Variants in C9 observed in about 807,000 individuals in gnomAD.
C9 encodes the protein complement C9, also known as complement component C9.
A neutral mutation model predicts 65.4 loss-of-function variants in C9; 63 were observed. That is an observed-to-expected ratio of 0.96 (90% CI 0.79 to 1.19). The LOEUF (loss-of-function observed/expected upper bound fraction) is 1.19. Ranked by LOEUF, C9 falls within the 50% of genes most tolerant of loss-of-function variation. The pLI, the probability that C9 is intolerant of heterozygous loss-of-function variation, is 0.00. For missense variants in C9, 744 were observed against 670.1 expected, an observed-to-expected ratio of 1.11 and a Z score of -1.22; for synonymous variants, 229 against 227.9, an observed-to-expected ratio of 1.00 and a Z score of -0.04.
chr5:39,311,563 A>G (rs1753485980), intron 6 of C9, among the ~76,000 whole-genome samples, 186 bp from the exon 7 acceptor site: 1 of 152,184 alleles, frequency 6.6e-6, no homozygotes, highest in Non-Finnish European at 1.5e-5. Context: ...GAGAATGTGC[A>G]GTGACTAAAA....
Position 39,341,697 on chromosome 5 carries a change from G to T in C9, c.187C>A (p.Arg63Ser), listed in dbSNP as rs749534250. Reference protein sequence around the residue: ...QCDPCLRQMFRSRSIEVFGQF... With the variant: ...QCDPCLRQMFSSRSIEVFGQF... ...CCAAAGACCTCAATGCTTCTTGAAC[G>T]AAACTGCACAATATCAGTTGGAATG... Residue 63 changes from arginine to serine, a missense_variant, in exon 3 of 11, where the codon CGT becomes AGT. Arg to Ser is a moderately radical substitution (Grantham distance 110). Transcript: ENST00000263408. The T allele has an allele frequency of 6.2e-7, 1 of 1,613,754 alleles. No individual in the cohort carries two copies. Among genetic ancestry groups the T allele is most frequent in the African/African-American group, 1.3e-5 (1 of 74,886 alleles).
At chr5:39,315,716 T>TA in intron 6 of C9, 59 bp downstream of exon 6, 2 of 1,258,536 alleles carry the variant, frequency 1.6e-6, no homozygotes, top group East Asian at 2.4e-5. Flanking sequence ...TCAAAATACT[T>TA]AAAGAGTCTG....
chr5:39,357,113 G>A (rs191880884), intron 1 of C9, among the ~76,000 whole-genome samples: 1 of 152,300 alleles, frequency 6.6e-6, no homozygotes, highest in African/African-American at 2.4e-5. Context: ...CTGCCATGAA[G>A]AAAAGTTTCC....
intron 1 of C9, among the ~76,000 whole-genome samples, 168 bp downstream of exon 1, chr5:39,364,220 T>A (rs1226773924): frequency 6.6e-6 from 1 of 152,170 alleles, no homozygotes; most frequent in African/African-American, 2.4e-5. Flanking sequence ...AGAAAACTCA[T>A]AAAGATGCAC....
At chr5:39,354,652 T>G (rs1197795530) in intron 1 of C9, among the ~76,000 whole-genome samples, 1 of 152,226 alleles carries the variant, frequency 6.6e-6, no homozygotes, top group East Asian at 1.9e-4. Flanking sequence ...ATATTCAAGC[T>G]GAACAAAACA....
At chr5:39,285,488 A>G (rs1164427841) in intron 10 of C9, among the ~76,000 whole-genome samples, 1 of 152,140 alleles carries the variant, frequency 6.6e-6, no homozygotes, top group Admixed American at 6.6e-5. Context: ...GCATAGATAG[A>G]GAACTGATTC....
intron 5 of C9, among the ~76,000 whole-genome samples, chr5:39,329,605 T>C (rs551529934): frequency 1.4e-4 from 22 of 152,304 alleles, no homozygotes; most frequent in Admixed American, 3.9e-4. Context: ...TTTAGGTGCA[T>C]TCCCATGTTA....
intron 5 of C9, among the ~76,000 whole-genome samples, chr5:39,330,813 G>A (rs1349331301): frequency 6.6e-6 from 1 of 152,184 alleles, no homozygotes; most frequent in Non-Finnish European, 1.5e-5. Context: ...TAGCATTCAT[G>A]AGAAAACATG....
At chr5:39,295,318 T>C (rs1313545218) in intron 9 of C9, among the ~76,000 whole-genome samples, 1 of 151,666 alleles carries the variant, frequency 6.6e-6, no homozygotes, top group Non-Finnish European at 1.5e-5. Flanking sequence ...CTAAAGACTT[T>C]ACCAAAATAC....
At chr5:39,304,944 T>C (rs999357585) in intron 9 of C9, among the ~76,000 whole-genome samples, 2 of 152,186 alleles carry the variant, frequency 1.3e-5, no homozygotes, top group Non-Finnish European at 2.9e-5. Context: ...AAAAATTATC[T>C]CTAGAACGTG....
intron 1 of C9, among the ~76,000 whole-genome samples, chr5:39,349,339 C>G (rs1754275238): frequency 6.6e-6 from 1 of 152,084 alleles, no homozygotes; most frequent in Admixed American, 6.6e-5. Flanking sequence ...ATAAAGTGTT[C>G]AAGCTTGTGA....
At chr5:39,353,104 G>A (rs985974711) in intron 1 of C9, among the ~76,000 whole-genome samples, 1 of 152,192 alleles carries the variant, frequency 6.6e-6, no homozygotes, top group African/African-American at 2.4e-5. Flanking sequence ...TCCACCTGCT[G>A]TTGCTGGCTC....
chr5:39,325,813 T>A (rs1443757286), intron 5 of C9, among the ~76,000 whole-genome samples: 1 of 151,876 alleles, frequency 6.6e-6, no homozygotes, highest in Non-Finnish European at 1.5e-5. Flanking sequence ...ATGTGTATGT[T>A]AATTAACACC....
chr5:39,304,107 G>A (rs1274475948), intron 9 of C9, among the ~76,000 whole-genome samples: 1 of 152,020 alleles, frequency 6.6e-6, no homozygotes, highest in East Asian at 1.9e-4. Flanking sequence ...TACACTACAG[G>A]AACTTAACCC....
chr5:39,361,108 G>A (rs763059452), intron 1 of C9, among the ~76,000 whole-genome samples: 32 of 148,510 alleles, frequency 2.2e-4, no homozygotes, highest in Non-Finnish European at 3.4e-4. Context: ...ATGCCATGAA[G>A]TAAATAAAAA....
At chr5:39,348,613 C>T (rs540626200) in intron 1 of C9, among the ~76,000 whole-genome samples, 78 of 152,196 alleles carry the variant, frequency 5.1e-4, no homozygotes, top group Admixed American at 1.6e-3. Flanking sequence ...GTCAGTGTGG[C>T]GATTCCTCAG....
intron 5 of C9, among the ~76,000 whole-genome samples, chr5:39,329,382 C>A (rs985276363): frequency 6.6e-6 from 1 of 152,030 alleles, no homozygotes; most frequent in African/African-American, 2.4e-5. Flanking sequence ...ATATTTAGAC[C>A]CATTTATCTC....
chr5:39,322,935 C>T (rs10062131), intron 5 of C9, among the ~76,000 whole-genome samples: 2 of 152,008 alleles, frequency 1.3e-5, no homozygotes, highest in Non-Finnish European at 2.9e-5. Flanking sequence ...AAGGATTTAG[C>T]TATTTGTGAG....
intron 4 of C9, among the ~76,000 whole-genome samples, chr5:39,340,805 A>G (rs910130127): frequency 2.0e-5 from 3 of 152,238 alleles, no homozygotes; most frequent in Admixed American, 6.5e-5. Flanking sequence ...TTGGAAATTC[A>G]TTCCAAATGT....
Sources: allele counts gnomAD v4.1 joint callset (sites outside exome capture counted in the v4.1 genomes callset), GRCh38; gene constraint gnomAD v4.1.1; transcripts MANE v1.5; gene names NCBI Gene and HGNC (gene_info 2026-07-23, HGNC 2026-07-21).